Variants in PCDHA11 observed in about 807,000 individuals in gnomAD.
The protein encoded by PCDHA11 is protocadherin alpha-11.
A neutral mutation model predicts 70.3 loss-of-function variants in PCDHA11; 61 were observed. That is an observed-to-expected ratio of 0.87 (90% confidence interval 0.71 to 1.07). The LOEUF is 1.07. PCDHA11 is among the 50% of genes least tolerant of loss of function. The probability of loss-of-function intolerance (pLI) is 0.00; values close to 1 mark genes in which losing one functional copy is unlikely to be tolerated. For missense variants in PCDHA11, 1,324 were observed against 1,237.5 expected, an observed-to-expected ratio of 1.07 and a Z score of -1.05; for synonymous variants, 633 against 555.1, an observed-to-expected ratio of 1.14 and a Z score of -1.97.
chr5:140,884,265 T>A, intron 1 of PCDHA11: 1 of 1,613,432 alleles, frequency 6.2e-7, no homozygotes, highest in Middle Eastern at 1.6e-4. Context: ...GCAACGGTGC[T>A]GTTGTCGCTG....
At chr5:140,924,416 T>G (rs1283567998) in intron 1 of PCDHA11, among the ~76,000 whole-genome samples, 1 of 152,192 alleles carries the variant, frequency 6.6e-6, no homozygotes, top group African/African-American at 2.4e-5. Context: ...CAGTGTGCCC[T>G]TTCTAGTTCC....
rs782807362 is a variant in PCDHA11 at position 140,884,482 on chromosome 5, T to G, written c.2391+12988T>G. ...GCGCGTGCGCGCCGGGCAAGCCCACTCTAGTGTGCTCCAGCGCGGCAGGGA... is the reference window on the plus strand; with the variant it reads ...GCGCGTGCGCGCCGGGCAAGCCCACGCTAGTGTGCTCCAGCGCGGCAGGGA... On this transcript the variant is annotated intron_variant, in intron 1 of 3. Transcript: ENST00000398640. 1.6e-5 allele frequency: 26 copies of G among 1,613,830 alleles called. No homozygotes were observed. In the East Asian group the frequency reaches 4.5e-4, roughly 28 times the overall value.
At chr5:140,937,770 G>C (rs1353635012) in intron 1 of PCDHA11, among the ~76,000 whole-genome samples, 3 of 151,876 alleles carry the variant, frequency 2.0e-5, no homozygotes, top group Non-Finnish European at 4.4e-5. Flanking sequence ...AAATTAGTCG[G>C]GCGTGGTGGC....
chr5:140,946,611 AATAT>A (rs1554217734), intron 1 of PCDHA11, among the ~76,000 whole-genome samples: 10 of 86,794 alleles, frequency 1.2e-4, no homozygotes, highest in Admixed American at 4.7e-4. Flanking sequence ...GAAAATGTGA[AATAT>A]ATATATATAT....
chr5:140,895,174 A>T (rs1554186407), intron 1 of PCDHA11, among the ~76,000 whole-genome samples: 2 of 152,150 alleles, frequency 1.3e-5, no homozygotes, highest in African/African-American at 4.8e-5. Context: ...ATCTATTTGT[A>T]GTCCCTTCTG....
chr5:140,940,988 T>G (rs2092713422), intron 1 of PCDHA11, among the ~76,000 whole-genome samples: 1 of 152,206 alleles, frequency 6.6e-6, no homozygotes, highest in African/African-American at 2.4e-5. Flanking sequence ...AGTTACAAGT[T>G]TATAGGATTA....
At chr5:140,887,204 C>T (rs1438790748) in intron 1 of PCDHA11, among the ~76,000 whole-genome samples, 7 of 151,828 alleles carry the variant, frequency 4.6e-5, no homozygotes, top group African/African-American at 1.5e-4. Flanking sequence ...TCACGCCATT[C>T]TCCTGCCTCA....
chr5:140,882,369 C>G (rs1554173809), intron 1 of PCDHA11: 4 of 1,614,104 alleles, frequency 2.5e-6, no homozygotes, highest in African/African-American at 1.3e-5. Flanking sequence ...CTCCACTACT[C>G]CGTCCCCGAG....
At chr5:140,882,565 C>T (rs782122682) in intron 1 of PCDHA11, 5 of 1,614,118 alleles carry the variant, frequency 3.1e-6, no homozygotes, top group Non-Finnish European at 4.2e-6. Context: ...GTGGGCGGAG[C>T]GCGGAGTGCA....
intron 1 of PCDHA11, among the ~76,000 whole-genome samples, chr5:140,885,103 C>G (rs1336980793): frequency 6.6e-6 from 1 of 152,018 alleles, no homozygotes; most frequent in Non-Finnish European, 1.5e-5. Context: ...CACATAAATG[C>G]TTTTTTTAAG....
intron 1 of PCDHA11, among the ~76,000 whole-genome samples, chr5:140,949,539 A>G (rs971813092): frequency 6.6e-6 from 1 of 151,744 alleles, no homozygotes; most frequent in Admixed American, 6.6e-5. Context: ...TAAAATATCG[A>G]TTTGTTGCTG....
intron 1 of PCDHA11, among the ~76,000 whole-genome samples, chr5:140,911,609 C>T (rs1554194830): frequency 6.6e-6 from 1 of 152,170 alleles, no homozygotes; most frequent in Non-Finnish European, 1.5e-5. Flanking sequence ...TCATTATGTT[C>T]CTTAGTTCCC....
intron 1 of PCDHA11, among the ~76,000 whole-genome samples, chr5:140,888,041 A>G (rs571709864): frequency 2.0e-5 from 3 of 152,296 alleles, no homozygotes; most frequent in South Asian, 4.1e-4. Context: ...TAGTACATGT[A>G]TAATAGATGT....
chr5:140,880,707 G>A (rs1017608107), intron 1 of PCDHA11, among the ~76,000 whole-genome samples: 2 of 152,180 alleles, frequency 1.3e-5, no homozygotes, highest in East Asian at 3.8e-4. Context: ...TGACAATGTT[G>A]AGCAGCTTAA....
At chr5:140,898,664 G>C (rs1360946717) in intron 1 of PCDHA11, among the ~76,000 whole-genome samples, 1 of 152,190 alleles carries the variant, frequency 6.6e-6, no homozygotes, top group Non-Finnish European at 1.5e-5. Flanking sequence ...GATTGACTTG[G>C]TGTTGCGGGC....
chr5:140,875,335 C>T (rs1380813312), intron 1 of PCDHA11: 3 of 1,438,650 alleles, frequency 2.1e-6, no homozygotes, highest in African/African-American at 2.9e-5. Context: ...GGAATAGGAT[C>T]GACTCCATAA....
Position 140,869,908 on chromosome 5 carries a change from C to T in PCDHA11, c.805C>T (p.Arg269Ter), listed in dbSNP as rs189065461. 3.2e-5 allele frequency: 51 copies of T among 1,610,528 alleles called. No homozygotes were observed. Among genetic ancestry groups the T allele is most frequent in the African/African-American group, 2.4e-4 (18 of 74,806 alleles). ...TGTGCTCAAACTAAACGCCACAGAC[C>T]GAGACGAAGGAGTCAATGGAGAGGT... Reference protein sequence around the residue: ...TLVLKLNATDRDEGVNGEVTY... With the variant: ...TLVLKLNATD The change falls in exon 1 of 4, where the codon CGA becomes TGA. Residue 269 changes from arginine to a stop codon, truncating the protein, a stop_gained. Coordinates refer to ENST00000398640, the MANE Select transcript of PCDHA11 (RefSeq NM_018902.5). LOFTEE classifies it high-confidence loss of function.
chr5:140,958,020 A>G (rs536128192), intron 1 of PCDHA11, among the ~76,000 whole-genome samples: 90 of 152,262 alleles, frequency 5.9e-4, no homozygotes, highest in African/African-American at 2.1e-3. Context: ...TCAGCCAAGT[A>G]TACTATGCTT....
chr5:140,955,216 C>T (rs2095153192), intron 1 of PCDHA11, among the ~76,000 whole-genome samples: 2 of 152,122 alleles, frequency 1.3e-5, no homozygotes, highest in East Asian at 3.9e-4. Flanking sequence ...AGCATGATGC[C>T]TCCAGCTTTG....
Sources: gnomAD v4.1 joint callset for allele counts (sites outside exome capture counted in the v4.1 genomes callset) on GRCh38, gnomAD v4.1.1 for gene constraint, MANE v1.5 for transcripts, NCBI Gene and HGNC (gene_info 2026-07-23, HGNC 2026-07-21) for gene names.